The following MYH4 variants were observed in gnomAD, a reference collection of about 807,000 sequenced individuals.
MYH4 encodes the protein myosin heavy chain 4.
In MYH4, 200 loss-of-function variants were observed where a neutral mutation model predicts 229.9. The ratio of observed to expected loss-of-function variants is 0.87; its 90% CI spans 0.78 to 0.98. The LOEUF (loss-of-function observed/expected upper bound fraction) is 0.98, where lower values mean the gene tolerates loss of function less well. Among genes scored for constraint, MYH4 ranks in the 50% least tolerant of loss-of-function variants. MYH4 has a pLI of 0.00. For missense variants in MYH4, 2,148 were observed against 2,332.6 expected (o/e 0.92, Z 1.63); for synonymous variants, 761 against 834.6 (o/e 0.91, Z 1.52).
Position 10,449,067 on chromosome 17 carries a change from G to T in MYH4, c.4182-20C>A, listed in dbSNP as rs373113266. 28 of 1,610,500 alleles carry T rather than the reference G, an allele frequency of 1.7e-5. No homozygotes were observed. The highest frequency in any genetic ancestry group is 2.1e-5 in the Non-Finnish European group (25 of 1,177,638). ...TTCTTCCTGAAAATTGGGTCAGTATGAGTGACCAAGAGCAGACTCAGAGTC... is the reference window on the plus strand; with the variant it reads ...TTCTTCCTGAAAATTGGGTCAGTATTAGTGACCAAGAGCAGACTCAGAGTC... On this transcript the variant is annotated intron_variant, in intron 30 of 39. Transcript: ENST00000255381.
Position 10,463,660 on chromosome 17 carries a change from A to G in MYH4, c.649-17T>C, listed in dbSNP as rs757947216. 1.0e-5 allele frequency: 16 copies of G among 1,556,222 alleles called. No homozygotes were observed. Among genetic ancestry groups the G allele is most frequent in the East Asian group, 6.7e-5 (3 of 44,524 alleles). On this transcript the variant is annotated splice_polypyrimidine_tract_variant and intron_variant, in intron 7 of 39. Transcript: ENST00000255381. ...AAGGGTCCCCTTAAGAGAAATGAAT[A>G]AGACAGACAAAGAAAAAAGTTGCAG... is the stretch of plus-strand genomic sequence containing the variant.
rs762214845 is a variant in MYH4 at position 10,445,016 on chromosome 17, A to G, written c.5426T>C (p.Leu1809Pro). Residue 1809 changes from leucine (L) to proline (P), a missense_variant, in exon 37 of 40, where the codon CTG (leucine) becomes CCG (proline). Leu to Pro is a moderately conservative substitution (Grantham distance 98, BLOSUM62 -3). Transcript: ENST00000255381. ...LRLDEAEQLA[L>P]KGGKKQIQKL... Reference sequence around the variant, plus strand: ...CTGGATCTGCTTCTTCCCACCCTTCAGCGCCAGCTGCTCAGCCTCATCCAG... The same window carrying G: ...CTGGATCTGCTTCTTCCCACCCTTCGGCGCCAGCTGCTCAGCCTCATCCAG... 1.8e-5 allele frequency: 29 copies of G among 1,613,922 alleles called. No homozygotes were observed. In the East Asian group the frequency reaches 6.2e-4, roughly 35 times the overall value.
chr17:10,446,166 A>C (rs972126722), intron 35 of MYH4, among the ~76,000 whole-genome samples: 2 of 152,068 alleles, frequency 1.3e-5, no homozygotes, highest in African/African-American at 4.8e-5. Context: ...GTTGCATATT[A>C]ATTTGATTTT....
chr17:10,452,700 T>C, intron 25 of MYH4, 87 bp downstream of exon 25: 1 of 1,432,534 alleles, frequency 7.0e-7, no homozygotes, highest in South Asian at 1.3e-5. Context: ...TATGTCATGA[T>C]GTAACATTTT....
At position 10,452,060 on chromosome 17, in the gene MYH4, G is replaced by C. The variant is rs755604337; in HGVS notation, c.3619C>G (p.Leu1207Val). 6.2e-7 allele frequency: 1 copy of C among 1,613,966 alleles called. No homozygotes were observed. Among genetic ancestry groups the C allele is most frequent in the Admixed American group, 1.7e-5 (1 of 60,016 alleles). Reference protein sequence around the residue: ...RKKHADSVAELGEQIDSLQRV... With the variant: ...RKKHADSVAEVGEQIDSLQRV... ...TGAAGGCTGTCAATCTGCTCCCCAAGCTCAGCCACACTATCTGCGTGCTTC... is the reference window on the plus strand; with the variant it reads ...TGAAGGCTGTCAATCTGCTCCCCAACCTCAGCCACACTATCTGCGTGCTTC... The change falls in exon 27 of 40, where the codon CTT becomes GTT. Residue 1207 changes from leucine (L) to valine (V), a missense_variant. Leu to Val is a conservative substitution (Grantham distance 32). Transcript: ENST00000255381.
Position 10,466,362 on chromosome 17 carries a change from TG to T in MYH4, c.258del (p.Asp86GlufsTer8). 1 of 1,614,140 alleles carries T rather than the reference TG, an allele frequency of 6.2e-7. No homozygotes were observed. Among genetic ancestry groups the T allele is most frequent in the South Asian group, 1.1e-5 (1 of 91,076 alleles). On this transcript the variant is annotated frameshift_variant, in exon 4 of 40. Transcript: ENST00000255381. LOFTEE classifies it high-confidence loss of function. ...QVFSMNPPKY[D>X]KIEDMAMMTH... is the part of the protein sequence containing the mutation. ...GTCATCATGGCCATGTCCTCGATCT[TG>T]TCATATTTGGGAGGGTTCATGGAGA...
rs777200323 is a variant in MYH4 at position 10,452,371 on chromosome 17, T to C, written c.3349-41A>G. The C allele has an allele frequency of 5.0e-6, 8 of 1,614,048 alleles. No individual in the cohort carries two copies. In the African/African-American group the frequency reaches 6.7e-5, roughly 13 times the overall value. On this transcript the variant is annotated intron_variant, in intron 26 of 39. Transcript: ENST00000255381. ...CAACATTAATGTGAATTTATGTCAG[T>C]TTTGTTTCCTGTAATGCCCAGAAAA... is the stretch of plus-strand genomic sequence containing the variant.
rs2072773163 is a variant in MYH4 at position 10,466,775 on chromosome 17, C to T, written c.-30G>A. The T allele has an allele frequency of 2.5e-6, 4 of 1,612,128 alleles. No homozygotes were observed. Among genetic ancestry groups the T allele is most frequent in the Non-Finnish European group, 3.4e-6 (4 of 1,178,318 alleles). The stretch of plus-strand genomic sequence containing the variant: ...GCAGGTTATTGATGGCAGTACTGGA[C>T]TAGGTATACCTAGAGGAAGAAACAG... On this transcript the variant is annotated 5_prime_UTR_variant, in exon 3 of 40. Coordinates refer to ENST00000255381, the MANE Select transcript of MYH4 (RefSeq NM_017533.2).
At position 10,447,189 on chromosome 17, in the gene MYH4, T is replaced by A; in HGVS notation, c.4993A>T (p.Ile1665Phe). The A allele has an allele frequency of 1.2e-6, 2 of 1,614,136 alleles. No individual in the cohort carries two copies. Among genetic ancestry groups the A allele is most frequent in the Non-Finnish European group, 8.5e-7 (1 of 1,180,000 alleles). Residue 1665 changes from isoleucine to phenylalanine, a missense_variant, in exon 35 of 40, where the codon ATC (isoleucine) becomes TTC (phenylalanine). Coordinates refer to ENST00000255381, the MANE Select transcript of MYH4 (RefSeq NM_017533.2). Reference sequence around the variant, plus strand: ...TCCTTAAGGTCATCTTGGCCTCTGATGGCATCATCCAAATGTAGCTGAGTG... The same window carrying A: ...TCCTTAAGGTCATCTTGGCCTCTGAAGGCATCATCCAAATGTAGCTGAGTG... ...KDTQLHLDDA[I>F]RGQDDLKEQL...
chr17:10,460,371 T>C (rs1489461940), intron 12 of MYH4, 50 bp from the exon 13 acceptor site: 1 of 1,339,388 alleles, frequency 7.5e-7, no homozygotes, highest in Non-Finnish European at 1.0e-6. Context: ...TTACACAATT[T>C]AAAATGTAAA....
intron 29 of MYH4, 40 bp downstream of exon 29, chr17:10,450,737 C>T (rs748835640): frequency 7.5e-6 from 12 of 1,609,072 alleles, no homozygotes; most frequent in East Asian, 4.5e-5. Context: ...TTATGTTGCA[C>T]GGTTCAAGTG....
At chr17:10,450,676 TA>T (rs2072563031) in intron 29 of MYH4, 27 bp from the exon 30 acceptor site, 1 of 1,612,706 alleles carries the variant, frequency 6.2e-7, no homozygotes, top group African/African-American at 1.3e-5. Context: ...CTATGTGATA[TA>T]AGTTTATCTT....
chr17:10,448,757 A>G lies in MYH4; in HGVS notation c.4392T>C (p.Tyr1464=), dbSNP rs2072540901. 3 of 1,614,014 alleles carry G rather than the reference A, an allele frequency of 1.9e-6. No homozygotes were observed. The highest frequency in any genetic ancestry group is 2.5e-6 in the Non-Finnish European group (3 of 1,179,994). ...DKVLAEWKQK[Y]EETQAELEAS... ...CCTCAAGTTCAGCCTGAGTTTCCTCATACTTCTGTTTCCATTCTGCCAGAA... is the reference window on the plus strand; with the variant it reads ...CCTCAAGTTCAGCCTGAGTTTCCTCGTACTTCTGTTTCCATTCTGCCAGAA... The change falls in exon 32 of 40, where the codon TAT becomes TAC. Residue 1464 remains tyrosine (Y), a synonymous_variant. Coordinates refer to ENST00000255381, the MANE Select transcript of MYH4 (RefSeq NM_017533.2).
chr17:10,463,694 T>C (rs554328444), intron 7 of MYH4, 51 bp from the exon 8 acceptor site: 2 of 1,423,328 alleles, frequency 1.4e-6, no homozygotes, highest in Admixed American at 1.9e-5. Context: ...AGTAAATAAT[T>C]TCCCATTGAC....
intron 25 of MYH4, 62 bp from the exon 26 acceptor site, chr17:10,452,568 A>G: frequency 1.3e-6 from 2 of 1,516,280 alleles, no homozygotes; most frequent in Non-Finnish European, 1.8e-6. Flanking sequence ...TTTTCTATGT[A>G]TAATCTAAGA....
Position 10,452,354 on chromosome 17 carries a change from A to G in MYH4, c.3349-24T>C, listed in dbSNP as rs761122430. ...GCCTGGTTGTGATATGTCAACATTAATGTGAATTTATGTCAGTTTTGTTTC... is the reference window on the plus strand; with the variant it reads ...GCCTGGTTGTGATATGTCAACATTAGTGTGAATTTATGTCAGTTTTGTTTC... On this transcript the variant is annotated intron_variant, in intron 26 of 39. Transcript: ENST00000255381. 12 of 1,614,008 alleles carry G rather than the reference A, an allele frequency of 7.4e-6. No homozygotes were observed. In the African/African-American group the frequency reaches 1.6e-4, roughly 22 times the overall value.
rs867815892 is a variant in MYH4 at position 10,445,343 on chromosome 17, GT to G, written c.5188del (p.Thr1730ProfsTer39). The G allele has an allele frequency of 9.3e-6, 15 of 1,613,522 alleles. No homozygotes were observed. Among genetic ancestry groups the G allele is most frequent in the Non-Finnish European group, 1.2e-5 (14 of 1,179,948 alleles). ...AATGTCTGTTTCCAGCTTCTTCTTG[GT>G]GTTGATCAGGCTGGTGTTCTGTTTC... ...LHTQNTSLIN[T>X]KKKLETDISQ... On this transcript the variant is annotated frameshift_variant, in exon 36 of 40. Transcript: ENST00000255381. LOFTEE classifies it high-confidence loss of function.
rs1290394447 is a variant in MYH4, at chr17:10,466,666, G to A, written c.80C>T (p.Ala27Val). ...CTTGGCATCAAAAGGCTTGTTCTGA[G>A]CTTCAATTCGCTCCTTTTCAGACTT... is the stretch of plus-strand genomic sequence containing the variant. ...LRKSEKERIE[A>V]QNKPFDAKTS... The change falls in exon 3 of 40, where the codon GCT becomes GTT. Residue 27 changes from alanine to valine, a missense_variant. Ala to Val is a moderately conservative substitution (Grantham distance 64). Coordinates refer to ENST00000255381, the MANE Select transcript of MYH4 (RefSeq NM_017533.2). The A allele has an allele frequency of 6.2e-7, 1 of 1,614,154 alleles. No individual in the cohort carries two copies. The highest frequency in any genetic ancestry group is 1.7e-5 in the Admixed American group (1 of 60,026).
Position 10,460,076 on chromosome 17 carries a change from G to C in MYH4, c.1292C>G (p.Ala431Gly). The C allele has an allele frequency of 6.2e-7, 1 of 1,614,174 alleles. No individual in the cohort carries two copies. The highest frequency in any genetic ancestry group is 8.5e-7 in the Non-Finnish European group (1 of 1,180,028). The change falls in exon 14 of 40, where the codon GCC becomes GGC. Residue 431 changes from alanine to glycine, a missense_variant. Ala to Gly is a moderately conservative substitution (Grantham distance 60). Transcript: ENST00000255381. Reference sequence around the variant, plus strand: ...GAACATCTTCTCGTAGATGGCTTTGGCCAGAGCACCCACTGCATTGTACAC... The same window carrying C: ...GAACATCTTCTCGTAGATGGCTTTGCCCAGAGCACCCACTGCATTGTACAC... Reference protein sequence around the residue: ...QQVYNAVGALAKAIYEKMFLW... With the variant: ...QQVYNAVGALGKAIYEKMFLW...
Sources: allele counts gnomAD v4.1 joint callset (sites outside exome capture counted in the v4.1 genomes callset), GRCh38; gene constraint gnomAD v4.1.1; transcripts MANE v1.5; gene names NCBI Gene and HGNC (gene_info 2026-07-23, HGNC 2026-07-21).